The following TTC28 variants were observed in gnomAD, a reference collection of about 807,000 sequenced individuals.
The protein encoded by TTC28 is tetratricopeptide repeat protein 28.
A neutral mutation model predicts 198.0 loss-of-function variants in TTC28; 61 were observed. That is an observed-to-expected ratio of 0.31 (90% confidence interval 0.25 to 0.38). The LOEUF (loss-of-function observed/expected upper bound fraction) is 0.38. TTC28 is among the 10% of genes least tolerant of loss of function. The pLI, the probability that TTC28 is intolerant of heterozygous loss-of-function variation, is 1.00. For synonymous variants in TTC28, 1,171 were observed against 1,297.8 expected, an observed-to-expected ratio of 0.90 and a Z score of 2.10; for missense variants, 2,678 against 3,164.0, an observed-to-expected ratio of 0.85 and a Z score of 3.69.
intron 2 of TTC28, among the ~76,000 whole-genome samples, chr22:28,517,863 C>T (rs1338227834): frequency 4.6e-5 from 7 of 152,118 alleles, no homozygotes; most frequent in African/African-American, 1.4e-4. Flanking sequence ...AACGCAAACA[C>T]ATTCAAAGTG....
At chr22:28,214,233 T>G (rs1385622545) in intron 5 of TTC28, among the ~76,000 whole-genome samples, 1 of 152,218 alleles carries the variant, frequency 6.6e-6, no homozygotes, top group Non-Finnish European at 1.5e-5. Flanking sequence ...AAGGACTTCA[T>G]GTCTAAAACA....
At chr22:28,178,160 G>T (rs896256942) in intron 5 of TTC28, among the ~76,000 whole-genome samples, 5 of 152,010 alleles carry the variant, frequency 3.3e-5, no homozygotes, top group African/African-American at 9.7e-5. Context: ...ACTGCTAGAA[G>T]AAAAGTATAT....
rs1204610636 is a variant in TTC28, at chr22:27,981,647, T to TATCA, written c.*570_*573dup. On this transcript the variant is annotated 3_prime_UTR_variant, in exon 23 of 23. Coordinates refer to ENST00000397906, the MANE Select transcript of TTC28 (RefSeq NM_001145418.2). ...TTGCATTGTTGCTGAGATATTACAC[T>TATCA]ATCATGAGACCAAAATTGCTACAAT... 2 of 152,204 alleles carry TATCA rather than the reference T, an allele frequency of 1.3e-5. No individual in the cohort carries two copies. Among genetic ancestry groups the TATCA allele is most frequent in the Non-Finnish European group, 2.9e-5 (2 of 68,056 alleles). The allele number at this position is 152,204 out of a possible 1,614,324, so 9.4% of individuals were successfully genotyped here.
chr22:28,302,705 C>T (rs1308914046), intron 3 of TTC28, among the ~76,000 whole-genome samples: 1 of 152,112 alleles, frequency 6.6e-6, no homozygotes, highest in Non-Finnish European at 1.5e-5. Context: ...GAGTCTCACT[C>T]TGTCTGTCAC....
chr22:28,329,676 C>T (rs79111), intron 2 of TTC28, among the ~76,000 whole-genome samples: 148,987 of 152,274 alleles, frequency 0.98, 72,882 homozygotes, highest in East Asian at 0.99. Flanking sequence ...TTTTCTTTCT[C>T]TGTTTTTGTT....
At chr22:28,178,301 C>CAA (rs71194755) in intron 5 of TTC28, among the ~76,000 whole-genome samples, 37,741 of 137,120 alleles carry the variant, frequency 0.28, 5,279 homozygotes, top group South Asian at 0.36. Flanking sequence ...CTAATAAATA[C>CAA]AAAAAAAAAA....
intron 1 of TTC28, among the ~76,000 whole-genome samples, chr22:28,663,215 T>A (rs1482053503): frequency 5.7e-5 from 8 of 140,862 alleles, no homozygotes; most frequent in African/African-American, 2.2e-4. Flanking sequence ...GCCGCTGCAC[T>A]CCAGCCTGGG....
chr22:28,365,805 T>C (rs1249746316), intron 2 of TTC28, among the ~76,000 whole-genome samples: 1 of 152,198 alleles, frequency 6.6e-6, no homozygotes, highest in African/African-American at 2.4e-5. Flanking sequence ...TACTAGTGAA[T>C]GAAACAATAT....
At chr22:28,077,821 G>A (rs1397685505) in intron 12 of TTC28, among the ~76,000 whole-genome samples, 1 of 152,030 alleles carries the variant, frequency 6.6e-6, no homozygotes, top group Admixed American at 6.6e-5. Context: ...CCATTAAAAG[G>A]GCAATGTACA....
At chr22:28,078,267 G>C (rs1332083593) in intron 12 of TTC28, among the ~76,000 whole-genome samples, 2 of 152,188 alleles carry the variant, frequency 1.3e-5, no homozygotes, top group Non-Finnish European at 2.9e-5. Context: ...GCGGGTAATT[G>C]AATAAAGGTG....
intron 2 of TTC28, among the ~76,000 whole-genome samples, chr22:28,566,778 C>T (rs2049975953): frequency 6.6e-6 from 1 of 152,036 alleles, no homozygotes; most frequent in Non-Finnish European, 1.5e-5. Context: ...AATAAAAGGA[C>T]TGGAAGATAA....
chr22:28,448,458 AAAAATTTGTTCAAATTTTGAACCAATTC>A (rs1187093926), intron 2 of TTC28, among the ~76,000 whole-genome samples: 1 of 152,184 alleles, frequency 6.6e-6, no homozygotes, highest in African/African-American at 2.4e-5. Flanking sequence ...TAGAAATTTG[AAAAATTTGTTCAAATTTTGAACCAATTC>A]AAAATTTGTT....
At chr22:28,455,658 G>A (rs1302506234) in intron 2 of TTC28, among the ~76,000 whole-genome samples, 1 of 151,100 alleles carries the variant, frequency 6.6e-6, no homozygotes, top group Non-Finnish European at 1.5e-5. Context: ...AGGCTGCAGT[G>A]AGACAAGATT....
chr22:28,192,705 G>A (rs9625427), intron 5 of TTC28, among the ~76,000 whole-genome samples: 11,096 of 152,076 alleles, frequency 0.073, 459 homozygotes, highest in South Asian at 0.092. Context: ...ATGGAAGAGC[G>A]AATGAATGAA....
intron 2 of TTC28, among the ~76,000 whole-genome samples, chr22:28,386,291 A>AAAG (rs1251636944): frequency 6.9e-6 from 1 of 144,908 alleles, no homozygotes; most frequent in Non-Finnish European, 1.5e-5. Flanking sequence ...AAAAAAAAAA[A>AAAG]AAAAAAAAAA....
At chr22:28,076,132 T>C (rs1235363216) in intron 12 of TTC28, among the ~76,000 whole-genome samples, 1 of 152,176 alleles carries the variant, frequency 6.6e-6, no homozygotes. Flanking sequence ...CTGGAAAGGA[T>C]TGGGGGTAAG....
chr22:28,547,865 C>T (rs1015849188), intron 2 of TTC28, among the ~76,000 whole-genome samples: 1 of 150,776 alleles, frequency 6.6e-6, no homozygotes, highest in Non-Finnish European at 1.5e-5. Flanking sequence ...CAGTTAAATA[C>T]TCGCTAAAGA....
At chr22:28,526,250 T>C (rs1423771194) in intron 2 of TTC28, among the ~76,000 whole-genome samples, 3 of 152,226 alleles carry the variant, frequency 2.0e-5, no homozygotes, top group African/African-American at 7.2e-5. Context: ...ATTTGATGTA[T>C]AAATGTTCAA....
chr22:28,555,724 C>T (rs917771471), intron 2 of TTC28, among the ~76,000 whole-genome samples: 2 of 152,070 alleles, frequency 1.3e-5, no homozygotes, highest in African/African-American at 4.8e-5. Context: ...GGATAAAAGA[C>T]TACACTTTGG....
Sources: gnomAD v4.1 joint callset for allele counts (sites outside exome capture counted in the v4.1 genomes callset) on GRCh38, gnomAD v4.1.1 for gene constraint, MANE v1.5 for transcripts, NCBI Gene and HGNC (gene_info 2026-07-23, HGNC 2026-07-21) for gene names.